GABRB1: variants seen among roughly 807,000 people sequenced by gnomAD.
The protein encoded by GABRB1 is gamma-aminobutyric acid receptor subunit beta-1.
A neutral mutation model predicts 51.6 loss-of-function variants in GABRB1; 17 were observed. The observed-to-expected ratio is 0.33, with a 90% CI of 0.23 to 0.49. GABRB1 has a LOEUF of 0.49. Ranked by LOEUF, GABRB1 falls within the 20% of genes least tolerant of loss-of-function variation. The pLI, the probability that GABRB1 is intolerant of heterozygous loss-of-function variation, is 0.99. For synonymous variants in GABRB1, 247 were observed against 218.9 expected, an observed-to-expected ratio of 1.13 and a Z score of -1.14; for missense variants, 410 against 600.6, an observed-to-expected ratio of 0.68 and a Z score of 3.32.
At chr4:47,116,038 T>C (rs1715463353) in intron 3 of GABRB1, among the ~76,000 whole-genome samples, 1 of 152,210 alleles carries the variant, frequency 6.6e-6, no homozygotes, top group Non-Finnish European at 1.5e-5. Context: ...TTCACAGTAT[T>C]GGTGTTTTGT....
chr4:47,297,456 A>C (rs2109932137), intron 4 of GABRB1, among the ~76,000 whole-genome samples: 1 of 152,178 alleles, frequency 6.6e-6, no homozygotes, highest in South Asian at 2.1e-4. Context: ...AATACAAACT[A>C]CCATCAGAGA....
At chr4:47,065,156 A>G (rs1324954708) in intron 3 of GABRB1, among the ~76,000 whole-genome samples, 3 of 152,212 alleles carry the variant, frequency 2.0e-5, no homozygotes, top group African/African-American at 7.2e-5. Flanking sequence ...CATTGGGAAA[A>G]ACTGGCGACA....
At chr4:47,398,468 T>A (rs778591091) in intron 5 of GABRB1, among the ~76,000 whole-genome samples, 22 of 152,216 alleles carry the variant, frequency 1.4e-4, no homozygotes, top group Non-Finnish European at 2.8e-4. Context: ...TTCATGGGAA[T>A]GTTTTCTGTT....
chr4:47,218,120 A>C (rs1197999014), intron 4 of GABRB1, among the ~76,000 whole-genome samples: 1 of 151,816 alleles, frequency 6.6e-6, no homozygotes, highest in Admixed American at 6.6e-5. Context: ...ATTTCACTTA[A>C]TGTAATGATC....
Position 47,261,070 on chromosome 4 carries a change from A to G in GABRB1, c.462-59057A>G, listed in dbSNP as rs941048437. Among the ~76,000 whole-genome samples, 5 of 152,218 alleles carry G rather than the reference A, an allele frequency of 3.3e-5. No individual in the cohort carries two copies. In the South Asian group the frequency reaches 8.3e-4, roughly 25 times the overall value. On this transcript the variant is annotated intron_variant, in intron 4 of 8. Transcript: ENST00000295454. ...AATCTCAAAATAATAAGACCTATCT[A>G]TGACGAACCCACAGCCAATATCATA...
intron 4 of GABRB1, among the ~76,000 whole-genome samples, chr4:47,200,013 C>G (rs1181118108): frequency 6.6e-6 from 1 of 152,108 alleles, no homozygotes; most frequent in Admixed American, 6.6e-5. Flanking sequence ...GGGTTATACT[C>G]TAGCCGAAGT....
intron 4 of GABRB1, among the ~76,000 whole-genome samples, chr4:47,179,504 T>G (rs1718856089): frequency 6.6e-6 from 1 of 152,050 alleles, no homozygotes; most frequent in African/African-American, 2.4e-5. Flanking sequence ...GCAGCACTTT[T>G]CACAATAGCA....
chr4:47,272,331 T>G (rs1297347420), intron 4 of GABRB1, among the ~76,000 whole-genome samples: 1 of 152,154 alleles, frequency 6.6e-6, no homozygotes, highest in African/African-American at 2.4e-5. Context: ...CCTCCCCTTC[T>G]TTAAAAAAAT....
intron 5 of GABRB1, among the ~76,000 whole-genome samples, chr4:47,368,706 C>A (rs998305078): frequency 3.9e-5 from 6 of 151,956 alleles, no homozygotes; most frequent in African/African-American, 1.5e-4. Flanking sequence ...TGCTTAAGAC[C>A]CTTAGTCTAG....
At chr4:47,349,216 A>T (rs893319965) in intron 5 of GABRB1, among the ~76,000 whole-genome samples, 1 of 152,192 alleles carries the variant, frequency 6.6e-6, no homozygotes, top group African/African-American at 2.4e-5. Flanking sequence ...TATAGCTATC[A>T]GCATGGGTGA....
chr4:47,304,319 A>C (rs558892323), intron 4 of GABRB1, among the ~76,000 whole-genome samples: 3 of 151,944 alleles, frequency 2.0e-5, no homozygotes, highest in Non-Finnish European at 4.4e-5. Context: ...CATCTTTTTG[A>C]TAATAACCAT....
chr4:47,259,534 T>A (rs1722343045), intron 4 of GABRB1, among the ~76,000 whole-genome samples: 1 of 152,138 alleles, frequency 6.6e-6, no homozygotes, highest in Non-Finnish European at 1.5e-5. Context: ...TCACCTTAGT[T>A]TTTTTGTTAA....
intron 1 of GABRB1, among the ~76,000 whole-genome samples, chr4:47,026,293 C>T (rs1217549930): frequency 2.0e-5 from 3 of 152,034 alleles, no homozygotes; most frequent in South Asian, 2.1e-4. Flanking sequence ...AATACACTCA[C>T]GAATAAATGA....
intron 4 of GABRB1, among the ~76,000 whole-genome samples, chr4:47,180,383 A>G (rs1303179929): frequency 1.3e-4 from 20 of 152,204 alleles, no homozygotes; most frequent in Admixed American, 1.2e-3. Context: ...TCAATGAGAA[A>G]AATATTTCTG....
At chr4:47,213,260 C>A (rs192343083) in intron 4 of GABRB1, among the ~76,000 whole-genome samples, 1 of 152,210 alleles carries the variant, frequency 6.6e-6, no homozygotes, top group East Asian at 1.9e-4. Flanking sequence ...TCTAGGAAGC[C>A]AGACAAGCTG....
intron 4 of GABRB1, among the ~76,000 whole-genome samples, chr4:47,178,808 A>G (rs1718812055): frequency 6.6e-6 from 1 of 152,132 alleles, no homozygotes; most frequent in Non-Finnish European, 1.5e-5. Flanking sequence ...AAAATTAGGA[A>G]CGATGGTTGA....
intron 3 of GABRB1, among the ~76,000 whole-genome samples, chr4:47,105,084 T>C (rs1236214451): frequency 2.6e-5 from 4 of 152,216 alleles, no homozygotes; most frequent in Admixed American, 1.3e-4. Flanking sequence ...AAACACTCCT[T>C]ATCTCTTGCT....
intron 8 of GABRB1, among the ~76,000 whole-genome samples, chr4:47,413,277 A>G (rs998078165): frequency 5.9e-5 from 9 of 152,160 alleles, no homozygotes; most frequent in African/African-American, 1.2e-4. Context: ...AAACTTCTTC[A>G]TATTTAGGTG....
intron 5 of GABRB1, among the ~76,000 whole-genome samples, chr4:47,340,020 A>G (rs971009640): frequency 4.6e-5 from 7 of 152,204 alleles, no homozygotes; most frequent in Non-Finnish European, 1.5e-5. Context: ...GAAACTTAAC[A>G]TTCCAAAATT....
Sources: gnomAD v4.1 joint callset for allele counts (sites outside exome capture counted in the v4.1 genomes callset) on GRCh38, gnomAD v4.1.1 for gene constraint, MANE v1.5 for transcripts, NCBI Gene and HGNC (gene_info 2026-07-23, HGNC 2026-07-21) for gene names.